Variants in OLA1 observed in about 807,000 individuals in gnomAD.
OLA1 encodes Obg like ATPase 1, also known as obg-like ATPase 1.
Under a neutral mutation model 48.4 loss-of-function variants are expected in OLA1, and 14 were observed. That is an observed-to-expected ratio of 0.29 (90% CI 0.19 to 0.45). OLA1 has a LOEUF of 0.45. Ranked by LOEUF, OLA1 falls within the 20% of genes least tolerant of loss-of-function variation. The pLI, the probability that OLA1 is intolerant of heterozygous loss-of-function variation, is 1.00. For synonymous variants in OLA1, 127 were observed against 150.4 expected (o/e 0.84, Z 1.14); for missense variants, 325 against 467.1 (o/e 0.70, Z 2.80).
chr2:174,139,694 G>A (rs907922314), intron 5 of OLA1, among the ~76,000 whole-genome samples: 10 of 151,874 alleles, frequency 6.6e-5, no homozygotes, highest in Middle Eastern at 3.2e-3. Context: ...ATGAAACCCC[G>A]TCTCTACTAA....
At chr2:174,179,942 T>C (rs1316887585) in intron 4 of OLA1, among the ~76,000 whole-genome samples, 3 of 152,060 alleles carry the variant, frequency 2.0e-5, no homozygotes, top group Admixed American at 2.0e-4. Flanking sequence ...TAGAAAAATA[T>C]CTTGATAGAG....
At chr2:174,084,682 T>G (rs1684928530) in intron 7 of OLA1, among the ~76,000 whole-genome samples, 1 of 152,176 alleles carries the variant, frequency 6.6e-6, no homozygotes, top group African/African-American at 2.4e-5. Context: ...TCTATTCTCT[T>G]TCTACAAACC....
chr2:174,154,345 C>CT (rs1686819840), intron 4 of OLA1, among the ~76,000 whole-genome samples: 1 of 152,176 alleles, frequency 6.6e-6, no homozygotes, highest in Admixed American at 6.5e-5. Flanking sequence ...TGCCCTCACC[C>CT]TTCAAACCTT....
chr2:174,158,571 C>T (rs947819112), intron 4 of OLA1, among the ~76,000 whole-genome samples: 5 of 151,996 alleles, frequency 3.3e-5, no homozygotes, highest in Non-Finnish European at 5.9e-5. Context: ...CTGACATCAT[C>T]AAGACTTTAG....
chr2:174,178,717 T>C (rs1262850956), intron 4 of OLA1, among the ~76,000 whole-genome samples: 1 of 151,982 alleles, frequency 6.6e-6, no homozygotes, highest in East Asian at 1.9e-4. Flanking sequence ...GGTTTAAATG[T>C]CTAATCACAA....
At chr2:174,083,719 C>A (rs1323042247) in intron 7 of OLA1, among the ~76,000 whole-genome samples, 1 of 152,074 alleles carries the variant, frequency 6.6e-6, no homozygotes, top group African/African-American at 2.4e-5. Context: ...GGTTTAGTAA[C>A]TTACTTTCAT....
intron 4 of OLA1, among the ~76,000 whole-genome samples, chr2:174,181,951 A>G (rs1205039379): frequency 1.3e-5 from 2 of 152,220 alleles, no homozygotes; most frequent in Non-Finnish European, 2.9e-5. Context: ...CTTTGAGGGC[A>G]CAGATTTTTG....
chr2:174,114,341 C>CA lies in OLA1; in HGVS notation c.728+8838dup, dbSNP rs76471043. 1.4e-3 allele frequency among the ~76,000 whole-genome samples: 86 copies of CA among 60,638 alleles called. 9 individuals are homozygous for CA. Among genetic ancestry groups the CA allele is most frequent in the East Asian group, 5.4e-3 (7 of 1,296 alleles). The allele number at this position is 60,638 out of a possible 152,430, so 39.8% of individuals were successfully genotyped here. A position where few individuals can be genotyped will look rare whatever the true frequency, so the allele number is the denominator to read the frequency against. ...TGGGCGACAGAGCAAGACTCCGCCT[C>CA]AAAAAAAAAAAAAAAAAAAAAAAAA... On this transcript the variant is annotated intron_variant, in intron 7 of 10. Transcript: ENST00000284719.
chr2:174,104,208 G>C (rs939231707), intron 7 of OLA1, among the ~76,000 whole-genome samples: 2 of 151,550 alleles, frequency 1.3e-5, no homozygotes, highest in Non-Finnish European at 2.9e-5. Context: ...GACAAGAATG[G>C]TTCCAGAGAG....
chr2:174,091,277 G>A (rs1236921082), intron 7 of OLA1, among the ~76,000 whole-genome samples: 6 of 152,232 alleles, frequency 3.9e-5, no homozygotes, highest in Admixed American at 3.3e-4. Context: ...CAATGTGGAA[G>A]GAAGAGAAAG....
At chr2:174,226,837 C>T (rs945598405) in intron 3 of OLA1, among the ~76,000 whole-genome samples, 2 of 151,910 alleles carry the variant, frequency 1.3e-5, no homozygotes, top group Admixed American at 6.6e-5. Flanking sequence ...TGGTGGGGCT[C>T]GGCACAAATT....
At chr2:174,085,132 T>G (rs1009829880) in intron 7 of OLA1, among the ~76,000 whole-genome samples, 1 of 152,218 alleles carries the variant, frequency 6.6e-6, no homozygotes, top group South Asian at 2.1e-4. Flanking sequence ...TGTATTTTTC[T>G]TCCCGGTAGT....
intron 2 of OLA1, among the ~76,000 whole-genome samples, chr2:174,234,069 CCTCT>C (rs1165779752): frequency 1.3e-5 from 2 of 152,132 alleles, no homozygotes; most frequent in Admixed American, 6.5e-5. Context: ...CCTTCCACTT[CCTCT>C]CTATCTTCTG....
intron 4 of OLA1, among the ~76,000 whole-genome samples, chr2:174,186,396 T>C (rs1415365545): frequency 6.6e-6 from 1 of 152,180 alleles, no homozygotes; most frequent in Non-Finnish European, 1.5e-5. Context: ...AGCTCCAACA[T>C]GACACCACAG....
At chr2:174,136,685 T>TTTTTTTTC (rs1308030360) in intron 5 of OLA1, among the ~76,000 whole-genome samples, 1 of 151,938 alleles carries the variant, frequency 6.6e-6, no homozygotes, top group African/African-American at 2.4e-5. Context: ...TTTTTTTTTT[T>TTTTTTTTC]TTCCTGAGAC....
At position 174,146,995 on chromosome 2, in the gene OLA1, A is replaced by G. The variant is rs192941884; in HGVS notation, c.374-4995T>C. Among the ~76,000 whole-genome samples, 299 of 152,322 alleles carry G rather than the reference A, an allele frequency of 2.0e-3. 2 individuals are homozygous for G. Among genetic ancestry groups the G allele is most frequent in the African/African-American group, 6.9e-3 (288 of 41,570 alleles). On this transcript the variant is annotated intron_variant, in intron 4 of 10. Transcript: ENST00000284719. ...TAAAATGGCATAAATAAACACCAAA[A>G]TAAAAAGTATACTTGACCAACTGCA...
At chr2:174,201,012 A>G (rs1230516586) in intron 4 of OLA1, among the ~76,000 whole-genome samples, 1 of 152,234 alleles carries the variant, frequency 6.6e-6, no homozygotes, top group Non-Finnish European at 1.5e-5. Context: ...CCTACCTTTA[A>G]GAACCAAACA....
chr2:174,136,744 T>C (rs949282687), intron 5 of OLA1, among the ~76,000 whole-genome samples: 3 of 152,038 alleles, frequency 2.0e-5, no homozygotes, highest in African/African-American at 7.3e-5. Flanking sequence ...TGATCTTGGT[T>C]CACTGCAACC....
chr2:174,179,761 C>T (rs1319433444), intron 4 of OLA1, among the ~76,000 whole-genome samples: 2 of 152,122 alleles, frequency 1.3e-5, no homozygotes, highest in East Asian at 1.9e-4. Flanking sequence ...TTACATCTGA[C>T]ACTGTAAGCA....
Sources: gnomAD v4.1 joint callset for allele counts (sites outside exome capture counted in the v4.1 genomes callset) on GRCh38, gnomAD v4.1.1 for gene constraint, MANE v1.5 for transcripts, NCBI Gene and HGNC (gene_info 2026-07-23, HGNC 2026-07-21) for gene names.